ANKS1B: variants seen among roughly 807,000 people sequenced by gnomAD.
The protein encoded by ANKS1B is ankyrin repeat and sterile alpha motif domain-containing protein 1B.
A neutral mutation model predicts 148.3 loss-of-function variants in ANKS1B; 36 were observed. The ratio of observed to expected loss-of-function variants is 0.24; its 90% confidence interval spans 0.19 to 0.32. The LOEUF is 0.32. Ranked by LOEUF, ANKS1B falls within the 10% of genes least tolerant of loss-of-function variation. The pLI is 1.00. For synonymous variants in ANKS1B, 542 were observed against 560.8 expected (o/e 0.97, Z 0.47); for missense variants, 1,157 against 1,542.6 (o/e 0.75, Z 4.19).
At position 99,718,956 on chromosome 12, in the gene ANKS1B, G is replaced by A. The variant is rs369996038; in HGVS notation, c.1128+53966C>T. 5.0e-5 allele frequency among the ~76,000 whole-genome samples: 5 copies of A among 99,510 alleles called. No homozygotes were observed. In the Admixed American group the frequency reaches 5.3e-4, roughly 11 times the overall value. 65.3% of individuals were successfully genotyped at this position (99,510 alleles called of 152,430 possible). A position where few individuals can be genotyped will look rare whatever the true frequency, so the allele number is the denominator to read the frequency against. ...GCATAATTCTTATAAAAACACACAC[G>A]TGCTCTCCCTGCTGATTGTGTCCGA... On this transcript the variant is annotated intron_variant, in intron 8 of 26. Transcript: ENST00000683438.
intron 8 of ANKS1B, among the ~76,000 whole-genome samples, chr12:99,765,352 G>A (rs2062548325): frequency 6.6e-6 from 1 of 152,174 alleles, no homozygotes; most frequent in African/African-American, 2.4e-5. Context: ...ACTGTTTACT[G>A]ATTTTTTTAG....
intron 4 of ANKS1B, among the ~76,000 whole-genome samples, chr12:99,784,585 T>C (rs1406423914): frequency 1.3e-5 from 2 of 152,206 alleles, no homozygotes; most frequent in Non-Finnish European, 2.9e-5. Flanking sequence ...GCCATCTAGA[T>C]ATACCTACCA....
At chr12:99,070,509 G>A (rs1347911122) in intron 16 of ANKS1B, among the ~76,000 whole-genome samples, 2 of 152,178 alleles carry the variant, frequency 1.3e-5, no homozygotes, top group South Asian at 2.1e-4. Context: ...GATGGCACTA[G>A]CTGTATTTCA....
chr12:98,844,935 C>A (rs929035628), intron 17 of ANKS1B, among the ~76,000 whole-genome samples: 1 of 151,992 alleles, frequency 6.6e-6, no homozygotes, highest in Non-Finnish European at 1.5e-5. Context: ...CAAGCTGACA[C>A]CAAAAAGATG....
intron 17 of ANKS1B, among the ~76,000 whole-genome samples, chr12:98,844,962 A>T (rs2099441314): frequency 6.6e-6 from 1 of 152,234 alleles, no homozygotes; most frequent in African/African-American, 2.4e-5. Flanking sequence ...AACAGGGATA[A>T]ATATAATGTC....
At chr12:99,230,993 C>A (rs968888899) in intron 14 of ANKS1B, among the ~76,000 whole-genome samples, 3 of 152,076 alleles carry the variant, frequency 2.0e-5, no homozygotes, top group African/African-American at 4.8e-5. Context: ...AAATAAAAAT[C>A]AAAAATATAA....
At chr12:99,826,018 TA>T (rs957385130) in intron 1 of ANKS1B, among the ~76,000 whole-genome samples, 21 of 91,036 alleles carry the variant, frequency 2.3e-4, no homozygotes, top group African/African-American at 1.1e-3. Flanking sequence ...TAAAAGAGTC[TA>T]TTTTTTTTTT....
At chr12:99,904,455 C>T (rs776642583) in intron 1 of ANKS1B, among the ~76,000 whole-genome samples, 1 of 152,132 alleles carries the variant, frequency 6.6e-6, no homozygotes, top group Non-Finnish European at 1.5e-5. Flanking sequence ...GCCTCCCACA[C>T]TGCTGGGATT....
At position 99,445,696 on chromosome 12, in the gene ANKS1B, G is replaced by C. The variant is rs77188842; in HGVS notation, c.1439-1887C>G. Among the ~76,000 whole-genome samples the C allele has an allele frequency of 5.0e-3, 756 of 151,874 alleles. 36 individuals are homozygous for C. The East Asian group carries it at 0.11, about 22-fold the overall frequency. On this transcript the variant is annotated intron_variant, in intron 10 of 26. Transcript: ENST00000683438. ...TGAATTTTTTTTCAAAAGAATCCCT[G>C]CCCTCGAGAAGTATACTGTTGGGTT...
At chr12:99,824,275 G>A (rs570951745) in intron 2 of ANKS1B, among the ~76,000 whole-genome samples, 2 of 152,056 alleles carry the variant, frequency 1.3e-5, no homozygotes, top group South Asian at 2.1e-4. Context: ...GCCAAGGCGG[G>A]CAGATCACGA....
chr12:98,824,134 T>C (rs1192898524), intron 19 of ANKS1B, among the ~76,000 whole-genome samples: 2 of 152,250 alleles, frequency 1.3e-5, no homozygotes, highest in African/African-American at 2.4e-5. Context: ...GTTATTACCA[T>C]ATGATATTTT....
chr12:99,608,210 C>G (rs1032712911), intron 9 of ANKS1B, among the ~76,000 whole-genome samples: 2 of 152,044 alleles, frequency 1.3e-5, no homozygotes, highest in African/African-American at 4.8e-5. Flanking sequence ...TCCCGCTTAT[C>G]CTAACTCAGG....
intron 12 of ANKS1B, among the ~76,000 whole-genome samples, chr12:99,339,769 G>A (rs979909064): frequency 1.3e-5 from 2 of 151,972 alleles, no homozygotes; most frequent in Admixed American, 6.6e-5. Context: ...CCCTACTTCT[G>A]CCTTGCCCCT....
chr12:99,910,099 G>A (rs1413840841), intron 1 of ANKS1B, among the ~76,000 whole-genome samples: 3 of 152,068 alleles, frequency 2.0e-5, no homozygotes, highest in African/African-American at 2.4e-5. Context: ...AGGGCCAGAC[G>A]TGGTGGCTCA....
rs566231809 is a variant in ANKS1B at position 99,218,982 on chromosome 12, T to G, written c.2419+25360A>C. Among the ~76,000 whole-genome samples the G allele has an allele frequency of 3.9e-5, 6 of 152,336 alleles. No homozygotes were observed. The South Asian group carries it at 1.2e-3, about 32-fold the overall frequency. On this transcript the variant is annotated intron_variant, in intron 14 of 26. Coordinates refer to ENST00000683438, the MANE Select transcript of ANKS1B (RefSeq NM_001352186.2). ...ATGAAATCATATGAAACCATGCTAT[T>G]TAGCAGAATTCCTCTAATTCAGCTT...
At chr12:98,761,194 T>C (rs1732824373) in intron 25 of ANKS1B, among the ~76,000 whole-genome samples, 3 of 152,214 alleles carry the variant, frequency 2.0e-5, no homozygotes, top group Admixed American at 6.5e-5. Context: ...CCTACCTTCA[T>C]TGCTCTCATG....
intron 1 of ANKS1B, among the ~76,000 whole-genome samples, chr12:99,936,575 GGCC>G (rs2153812697): frequency 6.6e-6 from 1 of 152,246 alleles, no homozygotes; most frequent in South Asian, 2.1e-4. Flanking sequence ...TTTATTATAA[GGCC>G]TATGTTACTG....
intron 9 of ANKS1B, among the ~76,000 whole-genome samples, chr12:99,588,328 CT>C (rs2097664757): frequency 6.6e-6 from 1 of 152,050 alleles, no homozygotes; most frequent in Admixed American, 6.5e-5. Flanking sequence ...TCTTCTCTTT[CT>C]AAAGGATTTC....
intron 1 of ANKS1B, among the ~76,000 whole-genome samples, chr12:99,880,593 T>C (rs1253956827): frequency 1.3e-5 from 2 of 152,182 alleles, no homozygotes; most frequent in African/African-American, 2.4e-5. Context: ...TATGTACAGG[T>C]AGTAGTATAG....
Sources: gnomAD v4.1 joint callset for allele counts (sites outside exome capture counted in the v4.1 genomes callset) on GRCh38, gnomAD v4.1.1 for gene constraint, MANE v1.5 for transcripts, NCBI Gene and HGNC (gene_info 2026-07-23, HGNC 2026-07-21) for gene names.